The following METTL8 variants were observed in gnomAD, a reference collection of about 807,000 sequenced individuals.
METTL8 encodes the protein tRNA N(3)-cytidine methyltransferase METTL8, mitochondrial.
METTL8 carries 32 observed loss-of-function variants against 48.7 expected under a neutral mutation model. That is an observed-to-expected ratio of 0.66 (90% CI 0.50 to 0.88). METTL8 has a LOEUF of 0.88. Ranked by LOEUF, METTL8 falls within the 40% of genes least tolerant of loss-of-function variation. METTL8 has a pLI of 0.00. For synonymous variants in METTL8, 136 were observed against 157.1 expected, an observed-to-expected ratio of 0.87 and a Z score of 1.01; for missense variants, 464 against 474.4, an observed-to-expected ratio of 0.98 and a Z score of 0.20.
At chr2:171,340,102 G>T (rs1455532653) in intron 3 of METTL8, among the ~76,000 whole-genome samples, 1 of 151,918 alleles carries the variant, frequency 6.6e-6, no homozygotes, top group Non-Finnish European at 1.5e-5. Context: ...GGAGGCTGAG[G>T]CAGGAGAATT....
intron 1 of METTL8, among the ~76,000 whole-genome samples, chr2:171,396,725 TAAC>T (rs1169001453): frequency 9.2e-5 from 14 of 152,196 alleles, no homozygotes; most frequent in Non-Finnish European, 1.8e-4. Context: ...AACTGAATGA[TAAC>T]AAAATCTGAA....
At chr2:171,351,637 G>C (rs1347519845) in intron 3 of METTL8, among the ~76,000 whole-genome samples, 1 of 152,012 alleles carries the variant, frequency 6.6e-6, no homozygotes, top group Non-Finnish European at 1.5e-5. Context: ...CTTTTATTTT[G>C]TTGAGCAGTG....
Position 171,324,331 on chromosome 2 carries a change from A to T in METTL8, c.1065T>A (p.Ser355Arg). ...CAACCAGATTTTGCTTTTCATCTAA[A>T]CTGGCTTTGCAGAACATACTGTGGA... Reference protein sequence around the residue: ...GEVHSMFCKASLDEKQNLVDR... With the variant: ...GEVHSMFCKARLDEKQNLVDR... Residue 355 changes from serine to arginine, a missense_variant, in exon 10 of 10, where the codon AGT (serine) becomes AGA (arginine). Physicochemically the swap from Ser to Arg is moderately radical, Grantham distance 110. Transcript: ENST00000375258. The T allele has an allele frequency of 6.4e-7, 1 of 1,551,692 alleles. No homozygotes were observed. The highest frequency in any genetic ancestry group is 8.7e-7 in the Non-Finnish European group (1 of 1,147,026).
intron 1 of METTL8, among the ~76,000 whole-genome samples, chr2:171,405,927 G>GA (rs998514304): frequency 3.0e-4 from 45 of 151,588 alleles, no homozygotes; most frequent in African/African-American, 1.1e-3. Flanking sequence ...AGGAGGAACA[G>GA]AAAAAAAATG....
intron 4 of METTL8, among the ~76,000 whole-genome samples, chr2:171,338,640 CAA>C (rs759525102): frequency 3.7e-4 from 24 of 65,376 alleles, no homozygotes; most frequent in Admixed American, 4.9e-4. Context: ...AAGTCTGTCT[CAA>C]AAAAAAAAAA....
At chr2:171,404,921 G>A (rs935171690) in intron 1 of METTL8, among the ~76,000 whole-genome samples, 45 of 152,110 alleles carry the variant, frequency 3.0e-4, no homozygotes, top group Admixed American at 9.2e-4. Flanking sequence ...GAGTATCAAC[G>A]AGGGCACATA....
At chr2:171,365,409 G>A (rs1011015040) in intron 2 of METTL8, among the ~76,000 whole-genome samples, 7 of 152,010 alleles carry the variant, frequency 4.6e-5, no homozygotes, top group African/African-American at 1.4e-4. Context: ...TTCCTCATCC[G>A]TTCCTACCCC....
chr2:171,400,814 CA>C (rs1689569659), intron 1 of METTL8, among the ~76,000 whole-genome samples: 1 of 152,064 alleles, frequency 6.6e-6, no homozygotes, highest in Non-Finnish European at 1.5e-5. Flanking sequence ...AGAGGAACAC[CA>C]AAGAAATAGA....
At chr2:171,340,620 C>A (rs1269907620) in intron 3 of METTL8, among the ~76,000 whole-genome samples, 1 of 151,072 alleles carries the variant, frequency 6.6e-6, no homozygotes, top group Non-Finnish European at 1.5e-5. Flanking sequence ...TTTACAAATA[C>A]AATTTCAGCA....
At chr2:171,374,989 G>T in intron 2 of METTL8, 2 of 1,045,414 alleles carry the variant, frequency 1.9e-6, no homozygotes, top group Non-Finnish European at 1.5e-6. Flanking sequence ...TCAGGGTGGG[G>T]GTGTTCGGTC....
chr2:171,377,525 T>A (rs1006322733), intron 2 of METTL8, among the ~76,000 whole-genome samples: 4 of 151,956 alleles, frequency 2.6e-5, no homozygotes, highest in African/African-American at 9.7e-5. Flanking sequence ...TACAAGGAAC[T>A]CAAATCAGCA....
chr2:171,398,498 T>C (rs1042708714), intron 1 of METTL8, among the ~76,000 whole-genome samples: 2 of 151,516 alleles, frequency 1.3e-5, no homozygotes, highest in African/African-American at 4.9e-5. Flanking sequence ...TGGCAGAGGT[T>C]GGGGAAGGGG....
intron 1 of METTL8, among the ~76,000 whole-genome samples, chr2:171,421,529 A>G (rs1480240709): frequency 6.6e-6 from 1 of 152,110 alleles, no homozygotes; most frequent in Non-Finnish European, 1.5e-5. Flanking sequence ...AATATGATAC[A>G]CTTAGGAAGT....
At chr2:171,335,343 C>T (rs1484305576) in intron 5 of METTL8, among the ~76,000 whole-genome samples, 1 of 152,066 alleles carries the variant, frequency 6.6e-6, no homozygotes, top group Non-Finnish European at 1.5e-5. Flanking sequence ...ATGATGTTGG[C>T]ATTATATTGG....
rs111884234 is a variant in METTL8 at position 171,320,674 on chromosome 2, A to G, written c.*3498T>C. ...TTAATGTACACTTTAATTATGAAAT[A>G]CAACTGAGTTAAGAGTCTTGGGCAA... On this transcript the variant is annotated 3_prime_UTR_variant, in exon 10 of 10. Coordinates refer to ENST00000375258, the MANE Select transcript of METTL8 (RefSeq NM_001321154.2). The G allele has an allele frequency of 2.6e-5, 4 of 152,372 alleles. No homozygotes were observed. Among genetic ancestry groups the G allele is most frequent in the African/African-American group, 9.6e-5 (4 of 41,594 alleles). The allele number at this position is 152,372 out of a possible 1,614,324, so 9.4% of individuals were successfully genotyped here. A position where few individuals can be genotyped will look rare whatever the true frequency, so the allele number is the denominator to read the frequency against.
chr2:171,418,928 C>T (rs973154637), intron 1 of METTL8, among the ~76,000 whole-genome samples: 10 of 151,844 alleles, frequency 6.6e-5, no homozygotes, highest in South Asian at 2.1e-4. Context: ...GTACTCCAGC[C>T]TGGGTGACTA....
At chr2:171,392,303 G>T in intron 1 of METTL8, 106 bp from the exon 2 acceptor site, 1 of 839,216 alleles carries the variant, frequency 1.2e-6, no homozygotes, top group Non-Finnish European at 1.8e-6. Context: ...GAATGCACAT[G>T]AAAACTAGAA....
chr2:171,324,096 T>C lies in METTL8; in HGVS notation c.*76A>G, dbSNP rs1684688303. On this transcript the variant is annotated 3_prime_UTR_variant, in exon 10 of 10. Transcript: ENST00000375258. ...TTCTCTTCTTTTTTTCTCATTGTCT[T>C]TTGAGAAACAATAGACTTACAGTAG... The C allele has an allele frequency of 3.6e-6, 4 of 1,105,738 alleles. 1 individual carries two copies. In the South Asian group the frequency reaches 7.0e-5, roughly 19 times the overall value. 68.5% of individuals were successfully genotyped at this position (1,105,738 alleles called of 1,614,324 possible). A position where few individuals can be genotyped will look rare whatever the true frequency, so the allele number is the denominator to read the frequency against.
rs998068806 is a variant in METTL8 at position 171,390,848 on chromosome 2, C to T, written c.143+1195G>A. Among the ~76,000 whole-genome samples the T allele has an allele frequency of 2.0e-5, 3 of 152,234 alleles. No homozygotes were observed. In the East Asian group the frequency reaches 5.8e-4, roughly 29 times the overall value. On this transcript the variant is annotated intron_variant, in intron 2 of 9. Coordinates refer to ENST00000375258, the MANE Select transcript of METTL8 (RefSeq NM_001321154.2). ...TAATTTAGACAACAAAGAATTTAGACATAATTTAGACAACAAAGAATTTAG... is the reference window on the plus strand; with the variant it reads ...TAATTTAGACAACAAAGAATTTAGATATAATTTAGACAACAAAGAATTTAG...
Sources: gnomAD v4.1 joint callset for allele counts (sites outside exome capture counted in the v4.1 genomes callset) on GRCh38, gnomAD v4.1.1 for gene constraint, MANE v1.5 for transcripts, NCBI Gene and HGNC (gene_info 2026-07-23, HGNC 2026-07-21) for gene names.